The following GRM1 variants were observed in gnomAD, a reference collection of about 807,000 sequenced individuals.
The protein encoded by GRM1 is metabotropic glutamate receptor 1.
In GRM1, 33 loss-of-function variants were observed where a neutral mutation model predicts 90.9. The observed-to-expected ratio is 0.36, with a 90% CI of 0.28 to 0.49. The LOEUF (loss-of-function observed/expected upper bound fraction) is 0.49, where lower values mean the gene tolerates loss of function less well. Among genes scored for constraint, GRM1 ranks in the 20% least tolerant of loss-of-function variants. GRM1 has a pLI of 0.99. For missense variants in GRM1, 1,190 were observed against 1,534.3 expected, an observed-to-expected ratio of 0.78 and a Z score of 3.75; for synonymous variants, 700 against 613.2, an observed-to-expected ratio of 1.14 and a Z score of -2.09.
intron 3 of GRM1, among the ~76,000 whole-genome samples, chr6:146,331,862 C>G (rs1429532938): frequency 6.6e-6 from 1 of 152,080 alleles, no homozygotes; most frequent in African/African-American, 2.4e-5. Context: ...ATCAGTTGCC[C>G]TTGAAGAACG....
intron 2 of GRM1, among the ~76,000 whole-genome samples, chr6:146,161,999 C>A (rs1341851583): frequency 6.6e-6 from 1 of 152,138 alleles, no homozygotes; most frequent in Non-Finnish European, 1.5e-5. Flanking sequence ...CTCTGTCACT[C>A]ATGTCAATGG....
chr6:146,382,426 T>C (rs1487489492), intron 5 of GRM1, among the ~76,000 whole-genome samples: 1 of 151,934 alleles, frequency 6.6e-6, no homozygotes, highest in East Asian at 1.9e-4. Context: ...ATATCAACTA[T>C]ATTTTTGTTG....
chr6:146,154,372 G>A (rs1777446146), intron 1 of GRM1, among the ~76,000 whole-genome samples: 1 of 152,154 alleles, frequency 6.6e-6, no homozygotes, highest in Admixed American at 6.5e-5. Context: ...GCCCTCTTCT[G>A]CAGATGAATA....
At chr6:146,259,099 A>C (rs1410271273) in intron 2 of GRM1, among the ~76,000 whole-genome samples, 3 of 152,066 alleles carry the variant, frequency 2.0e-5, no homozygotes, top group South Asian at 2.1e-4. Flanking sequence ...TGGTCCCATC[A>C]CCTGGGCATA....
chr6:146,165,255 C>A (rs1777867451), intron 2 of GRM1, among the ~76,000 whole-genome samples: 1 of 152,036 alleles, frequency 6.6e-6, no homozygotes, highest in South Asian at 2.1e-4. Flanking sequence ...TACTGTGTAC[C>A]TTTTGGGGTC....
rs1404335176 is a variant in GRM1, at chr6:146,399,429, T to C, written c.2390T>C (p.Ile797Thr). The change falls in exon 7 of 8, where the codon ATC (isoleucine) becomes ACC (threonine). Residue 797 changes from isoleucine (I) to threonine (T), a missense_variant. Transcript: ENST00000282753. This position sits in a 1 kb window ranked among gnomAD's most constrained non-coding sequence, Gnocchi z 5.4. ...TTCACCATGTACACCACCTGTATCA[T>C]CTGGCTAGCTTTTGTGCCCATTTAC... ...IAFTMYTTCI[I>T]WLAFVPIYFG... is the part of the protein sequence containing the mutation. 69 of 1,614,088 alleles carry C rather than the reference T, an allele frequency of 4.3e-5. No homozygotes were observed. The highest frequency in any genetic ancestry group is 5.8e-5 in the Non-Finnish European group (68 of 1,180,048).
intron 3 of GRM1, among the ~76,000 whole-genome samples, chr6:146,335,974 GC>G (rs1784759632): frequency 6.6e-6 from 1 of 152,156 alleles, no homozygotes. Context: ...ATGATCTCCT[GC>G]CTGTGTCCAT....
At chr6:146,205,899 G>A (rs954278539) in intron 2 of GRM1, among the ~76,000 whole-genome samples, 1 of 152,130 alleles carries the variant, frequency 6.6e-6, no homozygotes, top group East Asian at 1.9e-4. Context: ...GCAGGCATGT[G>A]CAGAGTCACA....
intron 1 of GRM1, among the ~76,000 whole-genome samples, chr6:146,085,099 A>G (rs1776495269): frequency 6.6e-6 from 1 of 152,144 alleles, no homozygotes; most frequent in South Asian, 2.1e-4. Context: ...ATAAGTGCAT[A>G]TTTATTTAAT....
intron 3 of GRM1, among the ~76,000 whole-genome samples, chr6:146,312,466 A>G (rs1262405623): frequency 6.7e-6 from 1 of 150,028 alleles, no homozygotes; most frequent in African/African-American, 2.4e-5. Context: ...GTTGATGATT[A>G]TCTTTGAACA....
intron 1 of GRM1, among the ~76,000 whole-genome samples, chr6:146,052,918 C>A (rs1325484529): frequency 6.6e-6 from 1 of 152,018 alleles, no homozygotes; most frequent in African/African-American, 2.4e-5. Flanking sequence ...GAACCTAGAA[C>A]AATGCCTGAT....
intron 2 of GRM1, among the ~76,000 whole-genome samples, chr6:146,177,453 AT>A (rs566531411): frequency 1.5e-3 from 225 of 152,068 alleles, no homozygotes; most frequent in African/African-American, 5.2e-3. Flanking sequence ...GCTCTCTTTG[AT>A]TTTTTATATA....
chr6:146,051,177 A>G (rs1791509896), intron 1 of GRM1, among the ~76,000 whole-genome samples: 1 of 152,038 alleles, frequency 6.6e-6, no homozygotes, highest in Non-Finnish European at 1.5e-5. Context: ...GACTCTCTAA[A>G]CCTACTCCTC....
At position 146,125,856 on chromosome 6, in the gene GRM1, A is replaced by G. The variant is rs149458608; in HGVS notation, c.701-33492A>G. 7.9e-5 allele frequency among the ~76,000 whole-genome samples: 12 copies of G among 152,266 alleles called. No individual in the cohort carries two copies. In the East Asian group the frequency reaches 2.3e-3, roughly 29 times the overall value. On this transcript the variant is annotated intron_variant, in intron 1 of 7. Coordinates refer to ENST00000282753, the MANE Select transcript of GRM1 (RefSeq NM_001278064.2). ...AGCAGCCTATTCTGAAAATGTTTAA[A>G]AGAAATGAAAATCAAAATAAACTGA...
chr6:146,430,797 A>T (rs1171275407), intron 7 of GRM1, among the ~76,000 whole-genome samples: 3 of 152,204 alleles, frequency 2.0e-5, no homozygotes, highest in African/African-American at 7.2e-5. Context: ...TTATTACTAA[A>T]TATACCTCTC....
At chr6:146,412,252 T>C (rs980926769) in intron 7 of GRM1, among the ~76,000 whole-genome samples, 3 of 152,218 alleles carry the variant, frequency 2.0e-5, no homozygotes, top group Non-Finnish European at 4.4e-5. Flanking sequence ...AGCCTTATCC[T>C]AGCTGACATA....
At chr6:146,415,958 A>G (rs558996410) in intron 7 of GRM1, among the ~76,000 whole-genome samples, 5 of 152,322 alleles carry the variant, frequency 3.3e-5, no homozygotes, top group South Asian at 2.1e-4. Context: ...TGTCCTCTAT[A>G]TAGACTACTA....
At chr6:146,213,711 GAT>G (rs1779759443) in intron 2 of GRM1, among the ~76,000 whole-genome samples, 1 of 151,894 alleles carries the variant, frequency 6.6e-6, no homozygotes, top group Non-Finnish European at 1.5e-5. Flanking sequence ...TAGATAGATA[GAT>G]AGATAGATAG....
At position 146,105,346 on chromosome 6, in the gene GRM1, C is replaced by T. The variant is rs546165704; in HGVS notation, c.701-54002C>T. On this transcript the variant is annotated intron_variant, in intron 1 of 7. Transcript: ENST00000282753. ...AGCCTTTAAACTAGTAAACTTAGTA[C>T]TCCCAAGGCAAATACCCTTAGTTAA... 2.6e-5 allele frequency among the ~76,000 whole-genome samples: 4 copies of T among 152,092 alleles called. No homozygotes were observed. In the South Asian group the frequency reaches 8.3e-4, roughly 32 times the overall value.
Sources: gnomAD v4.1 joint callset for allele counts (sites outside exome capture counted in the v4.1 genomes callset) on GRCh38, gnomAD v4.1.1 for gene constraint, Gnocchi (gnomAD v3.1) non-coding constraint, MANE v1.5 for transcripts, NCBI Gene and HGNC (gene_info 2026-07-23, HGNC 2026-07-21) for gene names.